Variants in TTC7A observed in about 807,000 individuals in gnomAD.
TTC7A encodes the protein tetratricopeptide repeat domain 7A.
A neutral mutation model predicts 103.7 loss-of-function variants in TTC7A; 110 were observed. That is an observed-to-expected ratio of 1.06 (90% CI 0.91 to 1.24). TTC7A has a LOEUF of 1.24. Ranked by LOEUF, TTC7A falls within the 50% of genes most tolerant of loss-of-function variation. The pLI, the probability that TTC7A is intolerant of heterozygous loss-of-function variation, is 0.00. For missense variants in TTC7A, 1,340 were observed against 1,116.3 expected, an observed-to-expected ratio of 1.20 and a Z score of -2.86; for synonymous variants, 521 against 467.9, an observed-to-expected ratio of 1.11 and a Z score of -1.47.
chr2:46,978,545 A>C (rs977673957), intron 4 of TTC7A, among the ~76,000 whole-genome samples: 1 of 115,716 alleles, frequency 8.6e-6, no homozygotes, highest in African/African-American at 2.9e-5. Flanking sequence ...TGGGCAACAT[A>C]GTAAGACCCT....
intron 15 of TTC7A, among the ~76,000 whole-genome samples, chr2:47,044,670 G>A (rs1682118397): frequency 6.6e-6 from 1 of 152,338 alleles, no homozygotes; most frequent in African/African-American, 2.4e-5. Flanking sequence ...ATGAAGAGGA[G>A]AGTTGGTATC....
In TTC7A at chr2:47,024,415, G is replaced by A. The variant is rs1679660137; in HGVS notation, c.1641+56G>A. Reference sequence around the variant, plus strand: ...CCTCGGGGGCTGCTGATCTTCTCCTGGAAACCCAGCTTACCAGCTGTGTGA... The same window carrying A: ...CCTCGGGGGCTGCTGATCTTCTCCTAGAAACCCAGCTTACCAGCTGTGTGA... On this transcript the variant is annotated intron_variant, in intron 14 of 19. Transcript: ENST00000319190. 8 of 1,504,974 alleles carry A rather than the reference G, an allele frequency of 5.3e-6. No homozygotes were observed. In the Admixed American group the frequency reaches 7.9e-5, roughly 15 times the overall value. The allele number at this position is 1,504,974 out of a possible 1,614,324, so 93.2% of individuals were successfully genotyped here. A position where few individuals can be genotyped will look rare whatever the true frequency, so the allele number is the denominator to read the frequency against.
At chr2:46,992,987 GTCA>G (rs1675781803) in intron 5 of TTC7A, among the ~76,000 whole-genome samples, 1 of 152,246 alleles carries the variant, frequency 6.6e-6, no homozygotes, top group Non-Finnish European at 1.5e-5. Flanking sequence ...GGCTGGTGTG[GTCA>G]TCAAGGCCCA....
chr2:46,979,340 G>A (rs760622786), intron 5 of TTC7A, among the ~76,000 whole-genome samples: 48 of 152,210 alleles, frequency 3.2e-4, no homozygotes, highest in Non-Finnish European at 4.1e-4. Context: ...TGGGAAGGCA[G>A]ATTCCTGTTC....
chr2:46,916,768 G>A (rs1451938013), intron 1 of TTC7A, among the ~76,000 whole-genome samples: 1 of 152,172 alleles, frequency 6.6e-6, no homozygotes, highest in Non-Finnish European at 1.5e-5. Flanking sequence ...CCGAGTAGCT[G>A]GGATTACAGG....
In TTC7A at chr2:47,006,066, C is replaced by G; in HGVS notation, c.1203+7C>G. The G allele has an allele frequency of 6.2e-7, 1 of 1,611,576 alleles. No individual in the cohort carries two copies. The highest frequency in any genetic ancestry group is 8.5e-7 in the Non-Finnish European group (1 of 1,178,944). On this transcript the variant is annotated splice_region_variant and intron_variant, in intron 9 of 19. Transcript: ENST00000319190. ...GTACGTCATGCTCTCGGAGGTACGG[C>G]CGGCCATGCAGCCCACCCCACTCTC...
Position 47,046,299 on chromosome 2 carries a change from C to G in TTC7A, c.1803-16C>G. 5 of 1,608,944 alleles carry G rather than the reference C, an allele frequency of 3.1e-6. No individual in the cohort carries two copies. Among genetic ancestry groups the G allele is most frequent in the Non-Finnish European group, 3.4e-6 (4 of 1,176,062 alleles). ...CCTTGCTGGGGTGTGCTGATGGCCA[C>G]TCTCCGTCCCCACAGCCTGATGTTC... On this transcript the variant is annotated splice_polypyrimidine_tract_variant and intron_variant, in intron 15 of 19. Coordinates refer to ENST00000319190, the MANE Select transcript of TTC7A (RefSeq NM_020458.4).
intron 11 of TTC7A, among the ~76,000 whole-genome samples, chr2:47,012,590 C>T (rs901893850): frequency 6.6e-6 from 1 of 152,238 alleles, no homozygotes; most frequent in Non-Finnish European, 1.5e-5. Context: ...CTTCTTGCCA[C>T]TTTCCCTCCT....
At chr2:46,999,873 T>G (rs946833168) in intron 8 of TTC7A, 1 of 985,418 alleles carries the variant, frequency 1.0e-6, no homozygotes. Flanking sequence ...AGAGCCCTGG[T>G]GTTGAGAGTG....
intron 19 of TTC7A, among the ~76,000 whole-genome samples, chr2:47,069,760 C>T (rs1364778648): frequency 6.6e-6 from 1 of 152,188 alleles, no homozygotes; most frequent in Non-Finnish European, 1.5e-5. Flanking sequence ...TGCCAGCCTC[C>T]CTGGAAGGGT....
intron 3 of TTC7A, among the ~76,000 whole-genome samples, chr2:46,973,429 T>C (rs1460243038): frequency 1.3e-5 from 2 of 152,190 alleles, no homozygotes; most frequent in Non-Finnish European, 1.5e-5. Context: ...GCTACCCTCA[T>C]TTATCCCCCG....
At chr2:47,052,415 G>T (rs1358984576) in intron 18 of TTC7A, among the ~76,000 whole-genome samples, 1 of 152,236 alleles carries the variant, frequency 6.6e-6, no homozygotes, top group Non-Finnish European at 1.5e-5. Context: ...GCAGCCCACA[G>T]CTGGCTAGCC....
rs574898082 is a variant in TTC7A, at chr2:46,950,534, G to A, written c.348+8G>A. On this transcript the variant is annotated splice_region_variant and intron_variant, in intron 2 of 19. Coordinates refer to ENST00000319190, the MANE Select transcript of TTC7A (RefSeq NM_020458.4). Reference sequence around the variant, plus strand: ...AACCATGGGAGGCTCTCGGTAAGTCGTCAGCCTTCAAGCCTGAGACCTCCT... The same window carrying A: ...AACCATGGGAGGCTCTCGGTAAGTCATCAGCCTTCAAGCCTGAGACCTCCT... 3.3e-5 allele frequency: 54 copies of A among 1,613,650 alleles called. No individual in the cohort carries two copies. The highest frequency in any genetic ancestry group is 1.1e-4 in the African/African-American group (8 of 75,002).
Position 46,949,493 on chromosome 2 carries a change from A to G in TTC7A, c.185-870A>G, listed in dbSNP as rs1013391301. Among the ~76,000 whole-genome samples the G allele has an allele frequency of 8.5e-5, 13 of 152,136 alleles. 1 individual carries two copies. The highest frequency in any genetic ancestry group is 5.9e-4 in the Admixed American group (9 of 15,272). On this transcript the variant is annotated intron_variant, in intron 1 of 19. Transcript: ENST00000319190. Reference sequence around the variant, plus strand: ...AGTGATCTGCCTGCCTTGGGCTCCCAAAGTGCTGGGATTACAGGTGTGAGC... The same window carrying G: ...AGTGATCTGCCTGCCTTGGGCTCCCGAAGTGCTGGGATTACAGGTGTGAGC...
chr2:47,051,993 A>G, intron 18 of TTC7A, 113 bp downstream of exon 18: 1 of 1,383,072 alleles, frequency 7.2e-7, no homozygotes, highest in East Asian at 2.5e-5. Context: ...TGCTAGGCCC[A>G]CGCGGGTTAC....
At position 47,026,618 on chromosome 2, in the gene TTC7A, G is replaced by A. The variant is rs142524863; in HGVS notation, c.1641+2259G>A. ...CATGGAGTCAGTCACAGGAGCTAAC[G>A]CAGCTCCCAGGCCTGAGAGCACGTG... On this transcript the variant is annotated intron_variant, in intron 14 of 19. Transcript: ENST00000319190. Among the ~76,000 whole-genome samples the A allele has an allele frequency of 2.6e-3, 401 of 152,286 alleles. 3 individuals carry two copies. Among genetic ancestry groups the A allele is most frequent in the African/African-American group, 9.0e-3 (374 of 41,564 alleles).
At chr2:46,938,800 TC>T (rs545856474), upstream of TTC7A, among the ~76,000 whole-genome samples, 171 of 151,416 alleles carry the variant, frequency 1.1e-3, no homozygotes, top group Admixed American at 2.4e-3. Flanking sequence ...GATCATGAGG[TC>T]AGGAGTTTGA....
intron 3 of TTC7A, among the ~76,000 whole-genome samples, chr2:46,964,463 C>G (rs1047037760): frequency 1.3e-5 from 2 of 152,112 alleles, no homozygotes; most frequent in African/African-American, 4.8e-5. Context: ...ACTGGGGTTT[C>G]TAGATCTTTG....
chr2:46,920,486 C>T (rs775877213), intron 2 of TTC7A, among the ~76,000 whole-genome samples: 9 of 151,782 alleles, frequency 5.9e-5, no homozygotes, highest in Non-Finnish European at 1.0e-4. Context: ...ACAACCACCA[C>T]GCCCAGCTAA....
Sources: allele counts gnomAD v4.1 joint callset (sites outside exome capture counted in the v4.1 genomes callset), GRCh38; gene constraint gnomAD v4.1.1; transcripts MANE v1.5; gene names NCBI Gene and HGNC (gene_info 2026-07-23, HGNC 2026-07-21).